The following BCL6 variants were observed in gnomAD, a reference collection of about 807,000 sequenced individuals.
BCL6 encodes the protein BCL6 transcription repressor, also known as B-cell lymphoma 6 protein.
A neutral mutation model predicts 59.5 loss-of-function variants in BCL6; 7 were observed. The ratio of observed to expected loss-of-function variants is 0.12; its 90% CI spans 0.07 to 0.22. The LOEUF is 0.22. Ranked by LOEUF, BCL6 falls within the 10% of genes least tolerant of loss-of-function variation. BCL6 has a pLI of 1.00. For synonymous variants in BCL6, 339 were observed against 349.7 expected, an observed-to-expected ratio of 0.97 and a Z score of 0.34; for missense variants, 685 against 939.4, an observed-to-expected ratio of 0.73 and a Z score of 3.54.
intron 1 of BCL6, among the ~76,000 whole-genome samples, chr3:187,744,083 G>A (rs1456477436): frequency 2.0e-5 from 3 of 152,096 alleles, no homozygotes; most frequent in South Asian, 2.1e-4. Context: ...CGTCCACTAC[G>A]CTCAGGCCCG....
At chr3:187,744,761 A>G (rs541916147) in intron 1 of BCL6, among the ~76,000 whole-genome samples, 2 of 152,240 alleles carry the variant, frequency 1.3e-5, no homozygotes, top group African/African-American at 4.8e-5. Context: ...GGGAAGGAAG[A>G]AGAGGCGAGG....
intron 1 of BCL6, among the ~76,000 whole-genome samples, chr3:187,744,833 C>CCAGAAAA (rs1180711340): frequency 6.6e-6 from 1 of 151,890 alleles, no homozygotes; most frequent in Admixed American, 6.6e-5. Flanking sequence ...AGTTTGCAAG[C>CCAGAAAA]GAGAAAAGAG....
intron 1 of BCL6, among the ~76,000 whole-genome samples, chr3:187,743,556 G>C (rs1437076662): frequency 6.6e-6 from 1 of 152,032 alleles, no homozygotes; most frequent in Non-Finnish European, 1.5e-5. Context: ...GTTTGGTTGT[G>C]TTTTTGTTTT....
intron 1 of BCL6, chr3:187,736,684 A>G (rs1239546208): frequency 2.0e-5 from 3 of 152,150 alleles, no homozygotes; most frequent in Non-Finnish European, 2.9e-5. Flanking sequence ...ACAAATGTAC[A>G]TACACGAGGC....
chr3:187,729,890 G>A lies in BCL6; in HGVS notation c.515C>T (p.Ala172Val). The A allele has an allele frequency of 6.2e-7, 1 of 1,614,154 alleles. No individual in the cohort carries two copies. The highest frequency in any genetic ancestry group is 2.2e-5 in the East Asian group (1 of 44,884). The change falls in exon 5 of 10, where the codon GCC (alanine) becomes GTC (valine). Residue 172 changes from alanine to valine, a missense_variant. Physicochemically the swap from Ala to Val is moderately conservative, Grantham distance 64. This residue lies in a region of BCL6 where 268 missense variants were observed against 263.8 expected (regional missense o/e 1.02). Transcript: ENST00000406870. This position sits in a 1 kb window ranked among gnomAD's most constrained non-coding sequence, Gnocchi z 5.6. Reference protein sequence around the residue: ...VVENNLPLRSAPGCESRAFAP... With the variant: ...VVENNLPLRSVPGCESRAFAP... Reference sequence around the variant, plus strand: ...AAAGGCTCTGCTCTCACACCCAGGGGCGCTCCTCAGTGGCAGGTTGTTCTC... The same window carrying A: ...AAAGGCTCTGCTCTCACACCCAGGGACGCTCCTCAGTGGCAGGTTGTTCTC...
At chr3:187,728,650 C>T in intron 5 of BCL6, 106 bp from the exon 6 acceptor site, 2 of 1,167,192 alleles carry the variant, frequency 1.7e-6, no homozygotes, top group South Asian at 1.6e-5. Flanking sequence ...GGGCTGCCCA[C>T]TCAAGCTCTG....
chr3:187,743,160 C>T (rs1024264613), intron 1 of BCL6, among the ~76,000 whole-genome samples: 2 of 152,110 alleles, frequency 1.3e-5, no homozygotes, highest in Admixed American at 6.5e-5. Context: ...CCCTGGTTCC[C>T]TCTCTCCTGC....
intron 1 of BCL6, 107 bp downstream of exon 1, chr3:187,745,303 A>C (rs1711898121): frequency 5.0e-6 from 2 of 399,270 alleles, no homozygotes; most frequent in African/African-American, 2.1e-5. Context: ...AAAGAATTAA[A>C]AGGTAAAATA....
intron 1 of BCL6, among the ~76,000 whole-genome samples, chr3:187,738,654 G>T (rs1343784119): frequency 6.6e-6 from 1 of 152,172 alleles, no homozygotes; most frequent in Admixed American, 6.5e-5. Context: ...TCCGGGGTGC[G>T]CTTTCGGGGG....
At chr3:187,727,249 A>G (rs1410946974) in intron 6 of BCL6, among the ~76,000 whole-genome samples, 2 of 152,236 alleles carry the variant, frequency 1.3e-5, no homozygotes, top group Non-Finnish European at 2.9e-5. Context: ...ATAAGTTTAC[A>G]GTTTTATTTA....
chr3:187,729,329 G>A lies in BCL6; in HGVS notation c.1076C>T (p.Ser359Phe). 1 of 1,614,088 alleles carries A rather than the reference G, an allele frequency of 6.2e-7. No homozygotes were observed. The highest frequency in any genetic ancestry group is 8.5e-7 in the Non-Finnish European group (1 of 1,180,050). ...GGGGCTCTTGGCTGGAGGGGAGCCA[G>A]AAGCCTGGAGGATGCAGGCATTCTT... ...SSKNACILQA[S>F]GSPPAKSPTD... Residue 359 changes from serine (S) to phenylalanine (F), a missense_variant, in exon 5 of 10, where the codon TCT becomes TTT. This residue lies in a region of BCL6 where 28 missense variants were observed against 66.4 expected (regional missense o/e 0.42). Transcript: ENST00000406870. The surrounding 1 kb of genome is among the most constrained non-coding windows in gnomAD (Gnocchi z 5.6).
At chr3:187,744,355 A>C in intron 1 of BCL6, among the ~76,000 whole-genome samples, 1 of 150,204 alleles carries the variant, frequency 6.7e-6, no homozygotes, top group Non-Finnish European at 1.5e-5. Context: ...TCCCGCCATC[A>C]GTCTCTCTCC....
At chr3:187,736,532 AG>A (rs1420833159) in intron 1 of BCL6, 3 of 152,200 alleles carry the variant, frequency 2.0e-5, no homozygotes, top group African/African-American at 7.2e-5. Flanking sequence ...CTGGAACCAC[AG>A]GAAGCCCAGA....
At chr3:187,742,277 G>A (rs979482064) in intron 1 of BCL6, among the ~76,000 whole-genome samples, 1 of 152,066 alleles carries the variant, frequency 6.6e-6, no homozygotes, top group Non-Finnish European at 1.5e-5. Flanking sequence ...ACCCTGTAGG[G>A]GATAGAGGGA....
chr3:187,727,086 T>G (rs1438905788), intron 6 of BCL6, among the ~76,000 whole-genome samples, 188 bp from the exon 7 acceptor site: 2 of 152,028 alleles, frequency 1.3e-5, no homozygotes, highest in African/African-American at 4.8e-5. Flanking sequence ...TCATTCAGAG[T>G]CTTAGCCATA....
Position 187,726,889 on chromosome 3 carries a change from G to A in BCL6, c.1550C>T (p.Ala517Val), listed in dbSNP as rs776993725. 56 of 1,614,010 alleles carry A rather than the reference G, an allele frequency of 3.5e-5. No homozygotes were observed. In the East Asian group the frequency reaches 1.2e-3, roughly 35 times the overall value. Residue 517 changes from alanine to valine, a missense_variant, in exon 7 of 10, where the codon GCC becomes GTC. Coordinates refer to ENST00000406870, the MANE Select transcript of BCL6 (RefSeq NM_001706.5). ...GCAGTCACACTCATTGCAGAAGAAG[G>A]CCCCGTTCTCTGTTGGAGGGTGGTA... ...EYSDSSCENG[A>V]FFCNECDCRF...
intron 1 of BCL6, among the ~76,000 whole-genome samples, chr3:187,743,355 G>T (rs935793753): frequency 6.6e-6 from 1 of 151,974 alleles, no homozygotes; most frequent in East Asian, 1.9e-4. Flanking sequence ...CGGGGAGGGG[G>T]CGCGGAGTGG....
intron 1 of BCL6, among the ~76,000 whole-genome samples, chr3:187,741,529 A>G (rs913996560): frequency 2.8e-5 from 4 of 143,446 alleles, no homozygotes; most frequent in Non-Finnish European, 4.6e-5. Flanking sequence ...CTTTTGGTGA[A>G]GTTGTGGGTC....
intron 1 of BCL6, among the ~76,000 whole-genome samples, chr3:187,745,043 C>G (rs138980741): frequency 6.6e-6 from 1 of 152,090 alleles, no homozygotes; most frequent in South Asian, 2.1e-4. Flanking sequence ...TCTCCTCCAC[C>G]TCCTTTCCAA....
Sources: gnomAD v4.1 joint callset for allele counts (sites outside exome capture counted in the v4.1 genomes callset) on GRCh38, gnomAD v4.1.1 for gene constraint, gnomAD v4.1.1 regional missense constraint, Gnocchi (gnomAD v3.1) non-coding constraint, MANE v1.5 for transcripts, NCBI Gene and HGNC (gene_info 2026-07-23, HGNC 2026-07-21) for gene names.